Variants in DAB1 observed in about 807,000 individuals in gnomAD.
DAB1 encodes the protein DAB adaptor protein 1.
Under a neutral mutation model 64.6 loss-of-function variants are expected in DAB1, and 15 were observed. The observed-to-expected ratio is 0.23, with a 90% CI of 0.16 to 0.36. The LOEUF is 0.36. DAB1 is among the 10% of genes least tolerant of loss of function. The probability of loss-of-function intolerance (pLI) is 1.00; values close to 1 mark genes in which losing one functional copy is unlikely to be tolerated. For missense variants in DAB1, 596 were observed against 706.7 expected (o/e 0.84, Z 1.78); for synonymous variants, 235 against 251.9 (o/e 0.93, Z 0.64).
At chr1:58,295,132 G>A (rs1255310736) in intron 4 of DAB1, among the ~76,000 whole-genome samples, 1 of 152,070 alleles carries the variant, frequency 6.6e-6, no homozygotes, top group Non-Finnish European at 1.5e-5. Context: ...TTGGTATTGT[G>A]ATTTTCTGTT....
chr1:57,197,356 A>AGG, intron 2 of DAB1, among the ~76,000 whole-genome samples: 1 of 68,236 alleles, frequency 1.5e-5, no homozygotes, highest in Middle Eastern at 8.6e-3. Context: ...AAAAAAAAAA[A>AGG]AAGAAAGAAA....
chr1:57,830,351 A>T (rs1218530924), intron 1 of DAB1, among the ~76,000 whole-genome samples: 1 of 152,226 alleles, frequency 6.6e-6, no homozygotes, highest in African/African-American at 2.4e-5. Context: ...CAATCTTTGC[A>T]GTAATACTAT....
intron 7 of DAB1, among the ~76,000 whole-genome samples, chr1:57,579,184 G>A (rs1645284113): frequency 6.6e-6 from 1 of 152,156 alleles, no homozygotes; most frequent in African/African-American, 2.4e-5. Context: ...ATAAGTTCAA[G>A]CAAGCCAGGG....
At chr1:58,205,282 T>C (rs1482988852) in intron 4 of DAB1, among the ~76,000 whole-genome samples, 1 of 152,238 alleles carries the variant, frequency 6.6e-6, no homozygotes, top group East Asian at 1.9e-4. Context: ...ATGACAGTAC[T>C]ATTCTATTCT....
intron 4 of DAB1, among the ~76,000 whole-genome samples, chr1:58,334,056 A>G (rs1314440314): frequency 6.6e-6 from 1 of 152,182 alleles, no homozygotes; most frequent in Non-Finnish European, 1.5e-5. Context: ...TTGCCATGTG[A>G]GATGCCTGTA....
intron 3 of DAB1, among the ~76,000 whole-genome samples, chr1:58,344,110 C>CT (rs1478361556): frequency 6.6e-6 from 1 of 151,942 alleles, no homozygotes; most frequent in Non-Finnish European, 1.5e-5. Context: ...CACTTCCTAC[C>CT]TATGTGACCT....
At chr1:58,330,411 T>C (rs1038761227) in intron 4 of DAB1, among the ~76,000 whole-genome samples, 2 of 152,244 alleles carry the variant, frequency 1.3e-5, no homozygotes, top group African/African-American at 4.8e-5. Flanking sequence ...CAAGTGCTGA[T>C]GTAAAAGCTG....
At chr1:57,271,118 A>C (rs1179633845) in intron 2 of DAB1, among the ~76,000 whole-genome samples, 2 of 152,198 alleles carry the variant, frequency 1.3e-5, no homozygotes, top group African/African-American at 4.8e-5. Flanking sequence ...GCAGCTCAAA[A>C]GATGCAGGCT....
At chr1:58,088,879 A>C (rs113646141) in intron 5 of DAB1, among the ~76,000 whole-genome samples, 1 of 152,176 alleles carries the variant, frequency 6.6e-6, no homozygotes, top group African/African-American at 2.4e-5. Context: ...GCAGCAGCAC[A>C]TGGGAGGGGC....
At chr1:58,516,620 G>A (rs576422104) in intron 2 of DAB1, among the ~76,000 whole-genome samples, 15 of 152,288 alleles carry the variant, frequency 9.8e-5, no homozygotes, top group Non-Finnish European at 1.8e-4. Context: ...CAGTAGCAGA[G>A]GAGCAGCAGA....
chr1:57,577,657 C>A (rs1354402998), intron 7 of DAB1, among the ~76,000 whole-genome samples: 1 of 152,146 alleles, frequency 6.6e-6, no homozygotes, highest in Non-Finnish European at 1.5e-5. Flanking sequence ...CTCATCAACC[C>A]ATATCTTAAT....
At chr1:57,134,865 A>G (rs554322249) in intron 4 of DAB1, among the ~76,000 whole-genome samples, 2 of 152,272 alleles carry the variant, frequency 1.3e-5, no homozygotes, top group African/African-American at 4.8e-5. Context: ...AATGAGAATA[A>G]TAGTACCATC....
intron 2 of DAB1, among the ~76,000 whole-genome samples, chr1:57,173,742 T>TTAGA (rs1304498729): frequency 6.6e-6 from 1 of 152,180 alleles, no homozygotes; most frequent in African/African-American, 2.4e-5. Flanking sequence ...ATTTCACCTT[T>TTAGA]TAGATATGGT....
chr1:57,884,284 T>C (rs1282249711), upstream of DAB1: 5 of 152,160 alleles, frequency 3.3e-5, no homozygotes, highest in Non-Finnish European at 5.9e-5. Context: ...GATTTGAAAG[T>C]GTGCATGGTA....
intron 1 of DAB1, among the ~76,000 whole-genome samples, chr1:57,349,798 C>A (rs1309491329): frequency 2.6e-5 from 4 of 152,142 alleles, no homozygotes; most frequent in African/African-American, 9.7e-5. Flanking sequence ...TAATTATACT[C>A]ATTGGCAGTT....
At chr1:57,135,220 C>T (rs189032725) in intron 4 of DAB1, among the ~76,000 whole-genome samples, 37 of 152,288 alleles carry the variant, frequency 2.4e-4, no homozygotes, top group African/African-American at 8.4e-4. Flanking sequence ...TCCATCTTCC[C>T]AAATTGAAAC....
At chr1:57,346,459 C>T (rs1190922574) in intron 1 of DAB1, among the ~76,000 whole-genome samples, 1 of 152,156 alleles carries the variant, frequency 6.6e-6, no homozygotes, top group Admixed American at 6.5e-5. Context: ...CCTTCCTGGC[C>T]ACCCGCTATA....
In DAB1 at chr1:58,518,143, G is replaced by A. The variant is rs531086336; in HGVS notation, n.107+9118C>T. ...GGTGGTTGCTGTGAGCTGAGATCGCGCCATTGCACTCCAGCCTGGGCAACA... is the reference window on the plus strand; with the variant it reads ...GGTGGTTGCTGTGAGCTGAGATCGCACCATTGCACTCCAGCCTGGGCAACA... On this transcript the variant is annotated intron_variant and non_coding_transcript_variant, in intron 2 of 20. Coordinates refer to the DAB1 transcript ENST00000485760. 9.3e-4 allele frequency among the ~76,000 whole-genome samples: 137 copies of A among 146,670 alleles called. No homozygotes were observed. The Middle Eastern group carries it at 0.02, about 22-fold the overall frequency.
intron 2 of DAB1, among the ~76,000 whole-genome samples, chr1:57,161,428 A>G (rs1660735098): frequency 6.6e-6 from 1 of 152,150 alleles, no homozygotes; most frequent in Non-Finnish European, 1.5e-5. Flanking sequence ...AAGACAGAGC[A>G]GGGTGATCAC....
Sources: allele counts gnomAD v4.1 joint callset (sites outside exome capture counted in the v4.1 genomes callset), GRCh38; gene constraint gnomAD v4.1.1; transcripts MANE v1.5; gene names NCBI Gene and HGNC (gene_info 2026-07-23, HGNC 2026-07-21).